DUSP13B: variants seen among roughly 807,000 people sequenced by gnomAD.
DUSP13B encodes the protein dual specificity phosphatase 13B, also known as dual specificity protein phosphatase 13B.
the DUSP13B span, chr10:75,094,538 C>T: frequency 2.1e-6 from 2 of 944,918 alleles, no homozygotes; most frequent in Non-Finnish European, 3.1e-6. Flanking sequence ...GAGGTCACCA[C>T]CCAGCTATCC....
At chr10:75,101,905 C>T in the DUSP13B span, 40 of 1,367,442 alleles carry the variant, frequency 2.9e-5, no homozygotes, top group African/African-American at 3.1e-4. Context: ...ACTTCTCTGA[C>T]GGGCAGTTCG....
At chr10:75,095,559 T>G in the DUSP13B span, 1 of 1,610,878 alleles carries the variant, frequency 6.2e-7, no homozygotes, top group Non-Finnish European at 8.5e-7. Context: ...CCACCATGCC[T>G]GATCCAGAAG....
chr10:75,094,862 G>A, the DUSP13B span: 2 of 1,614,130 alleles, frequency 1.2e-6, no homozygotes, highest in South Asian at 2.2e-5. Context: ...CCATGGCACA[G>A]TGTACCAGCA....
At chr10:75,104,014 G>A in the DUSP13B span, 5 of 1,360,080 alleles carry the variant, frequency 3.7e-6, no homozygotes, top group Admixed American at 3.9e-5. Context: ...TGTCCGCCTG[G>A]GCCAGAGCCT....
chr10:75,097,890 A>T, the DUSP13B span: 2 of 1,587,636 alleles, frequency 1.3e-6, no homozygotes, highest in Non-Finnish European at 1.7e-6. Context: ...TCCATCCTGG[A>T]ACAGAGTGGA....
the DUSP13B span, chr10:75,104,140 G>A: frequency 1.0e-5 from 13 of 1,287,586 alleles, no homozygotes; most frequent in Non-Finnish European, 1.0e-5. Context: ...GGTGAACCAA[G>A]GCCCAGGCTG....
chr10:75,100,548 C>T, the DUSP13B span, among the ~76,000 whole-genome samples: 1 of 152,198 alleles, frequency 6.6e-6, no homozygotes, highest in Non-Finnish European at 1.5e-5. Flanking sequence ...CACTACATTC[C>T]ATGTCTCCTT....
chr10:75,108,102 C>T, the DUSP13B span: 1 of 1,613,860 alleles, frequency 6.2e-7, no homozygotes, highest in East Asian at 2.2e-5. Flanking sequence ...GCTCACACTG[C>T]TGCCGTAGAA....
the DUSP13B span, among the ~76,000 whole-genome samples, chr10:75,096,341 C>CT: frequency 6.6e-6 from 1 of 152,136 alleles, no homozygotes; most frequent in Non-Finnish European, 1.5e-5. Context: ...CTTTGGGAGA[C>CT]TAAGGCGGGA....
the DUSP13B span, chr10:75,108,145 G>A: frequency 6.2e-7 from 1 of 1,613,184 alleles, no homozygotes; most frequent in East Asian, 2.2e-5. Context: ...AGGCCCTTGT[G>A]GGCGGCGTTC....
At chr10:75,103,933 C>A in the DUSP13B span, 1 of 1,317,656 alleles carries the variant, frequency 7.6e-7, no homozygotes, top group South Asian at 1.2e-5. Flanking sequence ...GGGGTGTAGG[C>A]GCCAGGAGGA....
At chr10:75,106,085 T>C in the DUSP13B span, among the ~76,000 whole-genome samples, 1 of 135,928 alleles carries the variant, frequency 7.4e-6, no homozygotes, top group Non-Finnish European at 1.5e-5. Flanking sequence ...AATTTCTTTT[T>C]TCTTTTCTTT....
the DUSP13B span, among the ~76,000 whole-genome samples, chr10:75,096,828 G>C: frequency 2.9e-4 from 44 of 152,240 alleles, no homozygotes; most frequent in African/African-American, 1.0e-3. Context: ...CAATTCAAAT[G>C]TCCATATTCA....
At chr10:75,105,117 C>T in the DUSP13B span, among the ~76,000 whole-genome samples, 9 of 152,112 alleles carry the variant, frequency 5.9e-5, no homozygotes, top group Non-Finnish European at 1.3e-4. Flanking sequence ...GGGGAGCCAC[C>T]GTGGAGGCCT....
the DUSP13B span, among the ~76,000 whole-genome samples, chr10:75,097,209 T>C: frequency 2.0e-5 from 3 of 151,314 alleles, no homozygotes; most frequent in Non-Finnish European, 4.4e-5. Flanking sequence ...CCTTTTTCCT[T>C]TTTTTTTTCT....
chr10:75,105,073 G>C, the DUSP13B span, among the ~76,000 whole-genome samples: 1 of 152,188 alleles, frequency 6.6e-6, no homozygotes, highest in Non-Finnish European at 1.5e-5. Context: ...AGGAGTTGTA[G>C]AGGAAGCAGA....
the DUSP13B span, chr10:75,108,000 G>A: frequency 2.5e-5 from 40 of 1,612,258 alleles, no homozygotes; most frequent in African/African-American, 2.1e-4. Flanking sequence ...ACCCCCAGGC[G>A]TGTTGAGGGC....
the DUSP13B span, among the ~76,000 whole-genome samples, chr10:75,100,755 T>G: frequency 6.6e-6 from 1 of 152,250 alleles, no homozygotes; most frequent in Non-Finnish European, 1.5e-5. Context: ...TGCTGCTGTT[T>G]GCAAGTCCAT....
At chr10:75,108,000 G>T in the DUSP13B span, 5 of 1,612,258 alleles carry the variant, frequency 3.1e-6, no homozygotes, top group Non-Finnish European at 4.2e-6. Context: ...ACCCCCAGGC[G>T]TGTTGAGGGC....
Sources: gnomAD v4.1 joint callset for allele counts (sites outside exome capture counted in the v4.1 genomes callset) on GRCh38, gnomAD v4.1.1 for gene constraint, MANE v1.5 for transcripts, NCBI Gene and HGNC (gene_info 2026-07-23, HGNC 2026-07-21) for gene names.